The following PHACTR4 variants were observed in gnomAD, a reference collection of about 807,000 sequenced individuals.
PHACTR4 encodes the protein phosphatase and actin regulator 4, also known as protein phosphatase 1, regulatory subunit 124.
A neutral mutation model predicts 72.7 loss-of-function variants in PHACTR4; 51 were observed. The observed-to-expected ratio is 0.70, with a 90% CI of 0.56 to 0.89. The LOEUF is 0.89. Among genes scored for constraint, PHACTR4 ranks in the 40% least tolerant of loss-of-function variants. PHACTR4 has a pLI of 0.00. For missense variants in PHACTR4, 731 were observed against 861.8 expected, an observed-to-expected ratio of 0.85 and a Z score of 1.90; for synonymous variants, 255 against 302.5, an observed-to-expected ratio of 0.84 and a Z score of 1.63.
chr1:28,387,409 A>ATTT (rs1652646948), intron 1 of PHACTR4, among the ~76,000 whole-genome samples: 1 of 152,192 alleles, frequency 6.6e-6, no homozygotes, highest in Non-Finnish European at 1.5e-5. Context: ...ATCCCTGTTA[A>ATTT]AAATGCTGCC....
chr1:28,493,145 T>C, intron 13 of PHACTR4, 54 bp downstream of exon 13: 1 of 1,488,204 alleles, frequency 6.7e-7, no homozygotes, highest in South Asian at 1.1e-5. Flanking sequence ...TTCCAAAAAA[T>C]TGTTCAGATA....
intron 2 of PHACTR4, among the ~76,000 whole-genome samples, chr1:28,415,026 C>T (rs960039371): frequency 2.0e-5 from 3 of 151,914 alleles, no homozygotes; most frequent in African/African-American, 7.3e-5. Flanking sequence ...TTTGGGAGGC[C>T]GAGGTGGACG....
intron 1 of PHACTR4, among the ~76,000 whole-genome samples, chr1:28,377,510 G>C (rs1326695621): frequency 6.6e-6 from 1 of 151,876 alleles, no homozygotes; most frequent in East Asian, 1.9e-4. Context: ...AAAGTGCCAG[G>C]ATCACAGGCA....
In PHACTR4 at chr1:28,496,643, C is replaced by CA. The variant is rs1312926154; in HGVS notation, c.*94_*95insA. On this transcript the variant is annotated 3_prime_UTR_variant, in exon 14 of 14. Transcript: ENST00000373839. The stretch of plus-strand genomic sequence containing the variant: ...GGAACTTTAGCACTTCCCAGCACAG[C>CA]CAGAATTGCATCCTCTGGGATCTTC... 7.1e-7 allele frequency: 1 copy of CA among 1,404,170 alleles called. No individual in the cohort carries two copies. Among genetic ancestry groups the CA allele is most frequent in the Admixed American group, 1.7e-5 (1 of 59,450 alleles). The allele number at this position is 1,404,170 out of a possible 1,614,324, so 87.0% of individuals were successfully genotyped here.
intron 2 of PHACTR4, among the ~76,000 whole-genome samples, chr1:28,434,563 G>A (rs1159283007): frequency 6.6e-6 from 1 of 152,012 alleles, no homozygotes; most frequent in Non-Finnish European, 1.5e-5. Flanking sequence ...CTTGCGATCT[G>A]CCTACCCTGG....
chr1:28,398,151 A>G (rs540790978), intron 1 of PHACTR4, among the ~76,000 whole-genome samples: 73 of 152,304 alleles, frequency 4.8e-4, no homozygotes, highest in African/African-American at 1.6e-3. Context: ...GAAGAGGATA[A>G]TATATTTTAG....
intron 1 of PHACTR4, among the ~76,000 whole-genome samples, chr1:28,381,008 ATTT>A (rs201429851): frequency 6.0e-4 from 85 of 142,590 alleles, no homozygotes; most frequent in Middle Eastern, 3.6e-3. Flanking sequence ...TATTTTTTGA[ATTT>A]TTTTTTTTTT....
At chr1:28,436,967 T>G (rs986619191) in intron 2 of PHACTR4, among the ~76,000 whole-genome samples, 65 of 152,196 alleles carry the variant, frequency 4.3e-4, no homozygotes, top group African/African-American at 1.5e-3. Flanking sequence ...CTTCCAAATA[T>G]TTATTTCGTT....
rs1487090612 is a variant in PHACTR4, at chr1:28,453,407, A to C, written c.17-5678A>C. On this transcript the variant is annotated intron_variant, in intron 2 of 13. Coordinates refer to ENST00000373839, the MANE Select transcript of PHACTR4 (RefSeq NM_001048183.3). ...CATGACATTATAAGAAAAAGTTGAA[A>C]ACGAAAAAAAGAGAAAACACAAGGA... is the stretch of plus-strand genomic sequence containing the variant. 1.6e-5 allele frequency: 4 copies of C among 254,826 alleles called. No individual in the cohort carries two copies. The Admixed American group carries it at 2.0e-4, about 13-fold the overall frequency. The allele number at this position is 254,826 out of a possible 1,614,324, so 15.8% of individuals were successfully genotyped here.
intron 8 of PHACTR4, among the ~76,000 whole-genome samples, chr1:28,479,251 T>A (rs574147963): frequency 6.6e-6 from 1 of 150,614 alleles, no homozygotes; most frequent in Admixed American, 6.6e-5. Flanking sequence ...TGAAACCCCA[T>A]CTCTACTAAA....
At chr1:28,417,046 T>C (rs77520506) in intron 2 of PHACTR4, among the ~76,000 whole-genome samples, 2 of 152,054 alleles carry the variant, frequency 1.3e-5, no homozygotes, top group African/African-American at 4.8e-5. Context: ...CTTTTTTTTT[T>C]CTTTTTTTTG....
chr1:28,396,636 C>G (rs1270993289), intron 1 of PHACTR4, among the ~76,000 whole-genome samples: 2 of 150,294 alleles, frequency 1.3e-5, no homozygotes. Flanking sequence ...TACCTTATTA[C>G]TTTCTTAATT....
At chr1:28,375,887 T>A (rs1651619067) in intron 1 of PHACTR4, among the ~76,000 whole-genome samples, 1 of 152,016 alleles carries the variant, frequency 6.6e-6, no homozygotes, top group Non-Finnish European at 1.5e-5. Flanking sequence ...CTGACCAACA[T>A]GGAGAAACCC....
At chr1:28,388,566 C>T (rs576010450) in intron 1 of PHACTR4, among the ~76,000 whole-genome samples, 82 of 151,990 alleles carry the variant, frequency 5.4e-4, no homozygotes, top group Non-Finnish European at 9.6e-4. Context: ...AAAAAATCAA[C>T]TCTGGCTGGG....
rs916463718 is a variant in PHACTR4, at chr1:28,498,503, T to C, written c.*1954T>C. The stretch of plus-strand genomic sequence containing the variant: ...TTCCTAAAACAGAAGATTTTGTTGC[T>C]TTCTTTGAACTTGTATTGAAAACCA... On this transcript the variant is annotated 3_prime_UTR_variant, in exon 14 of 14. Coordinates refer to ENST00000373839, the MANE Select transcript of PHACTR4 (RefSeq NM_001048183.3). The C allele has an allele frequency of 6.6e-6, 1 of 152,242 alleles. No individual in the cohort carries two copies. Among genetic ancestry groups the C allele is most frequent in the African/African-American group, 2.4e-5 (1 of 41,476 alleles). 9.4% of individuals were successfully genotyped at this position (152,242 alleles called of 1,614,324 possible). A position where few individuals can be genotyped will look rare whatever the true frequency, so the allele number is the denominator to read the frequency against.
At chr1:28,390,288 T>C (rs1417792326) in intron 1 of PHACTR4, among the ~76,000 whole-genome samples, 1 of 152,200 alleles carries the variant, frequency 6.6e-6, no homozygotes, top group Non-Finnish European at 1.5e-5. Context: ...TCTGAGTTGG[T>C]GGGACTACAG....
intron 2 of PHACTR4, among the ~76,000 whole-genome samples, chr1:28,407,741 A>G (rs1204502288): frequency 6.6e-6 from 1 of 152,264 alleles, no homozygotes; most frequent in Non-Finnish European, 1.5e-5. Context: ...AACAACATTG[A>G]TAAACCCATT....
intron 2 of PHACTR4, among the ~76,000 whole-genome samples, chr1:28,409,124 CTTTTTT>C (rs564622352): frequency 1.5e-5 from 2 of 133,094 alleles, no homozygotes; most frequent in African/African-American, 5.5e-5. Flanking sequence ...TTCTTTCTTT[CTTTTTT>C]TTTTTTTTTT....
At chr1:28,439,778 C>T (rs1656869796) in intron 2 of PHACTR4, among the ~76,000 whole-genome samples, 1 of 152,144 alleles carries the variant, frequency 6.6e-6, no homozygotes, top group Non-Finnish European at 1.5e-5. Flanking sequence ...TAAACACTCT[C>T]CTATATTTGA....
Sources: gnomAD v4.1 joint callset for allele counts (sites outside exome capture counted in the v4.1 genomes callset) on GRCh38, gnomAD v4.1.1 for gene constraint, MANE v1.5 for transcripts, NCBI Gene and HGNC (gene_info 2026-07-23, HGNC 2026-07-21) for gene names.